The following LRRC43 variants were observed in gnomAD, a reference collection of about 807,000 sequenced individuals.
The protein encoded by LRRC43 is leucine rich repeat containing 43, also known as leucine-rich repeat-containing protein 43.
In LRRC43, 62 loss-of-function variants were observed where a neutral mutation model predicts 64.3. The observed-to-expected ratio is 0.96, with a 90% CI of 0.79 to 1.19. LRRC43 has a LOEUF of 1.19. LRRC43 is among the 50% of genes most tolerant of loss of function. The pLI, the probability that LRRC43 is intolerant of heterozygous loss-of-function variation, is 0.00. For synonymous variants in LRRC43, 422 were observed against 382.3 expected (o/e 1.10, Z -1.21); for missense variants, 868 against 845.0 (o/e 1.03, Z -0.34).
In LRRC43 at chr12:122,190,199, G is replaced by A. The variant is rs376714571; in HGVS notation, c.732G>A (p.Leu244=). ...LTDLQSMVTS[L]RTLRHLRLLV... ...ACCTGCAGAGCATGGTCACCAGCCT[G>A]AGGACCCTCCGGCACCTGCGACTCC... The change falls in exon 5 of 12, where the codon CTG becomes CTA. Residue 244 remains leucine (L), a synonymous_variant. Transcript: ENST00000339777. 6.2e-7 allele frequency: 1 copy of A among 1,614,156 alleles called. No homozygotes were observed. Among genetic ancestry groups the A allele is most frequent in the East Asian group, 2.2e-5 (1 of 44,876 alleles).
rs114970303 is a variant in LRRC43, at chr12:122,203,255, G to A, written c.1844-60G>A. On this transcript the variant is annotated intron_variant, in intron 11 of 11. Transcript: ENST00000339777. ...GCTTGCATATGGGATGGGTCAGGGC[G>A]GCCGAGAACGCCAGCCCATCCGTCT... 1,811 of 1,584,006 alleles carry A rather than the reference G, an allele frequency of 1.1e-3. 12 individuals carry two copies. The African/African-American group carries it at 0.014, about 12-fold the overall frequency.
chr12:122,202,546 G>A (rs1196742207), intron 11 of LRRC43: 1 of 152,142 alleles, frequency 6.6e-6, no homozygotes, highest in Non-Finnish European at 1.5e-5. Context: ...ACATGCATGA[G>A]TTACTTGTAA....
At chr12:122,169,550 C>A (rs1451366861) in intron 1 of LRRC43, among the ~76,000 whole-genome samples, 3 of 151,768 alleles carry the variant, frequency 2.0e-5, no homozygotes, top group African/African-American at 7.3e-5. Context: ...CCCGTCTCTA[C>A]TAAAAATACA....
intron 7 of LRRC43, among the ~76,000 whole-genome samples, chr12:122,193,381 TAAAAAAAA>T (rs34910328): frequency 1.0e-3 from 47 of 47,182 alleles, no homozygotes; most frequent in African/African-American, 3.1e-3. Flanking sequence ...CTCCGTCTCA[TAAAAAAAA>T]AAAAAAAAAA....
intron 1 of LRRC43, among the ~76,000 whole-genome samples, chr12:122,183,784 G>A (rs945668714): frequency 6.6e-6 from 1 of 152,102 alleles, no homozygotes; most frequent in Admixed American, 6.6e-5. Flanking sequence ...CACGAGGGGC[G>A]CCCAGGTGTG....
intron 1 of LRRC43, among the ~76,000 whole-genome samples, chr12:122,171,277 G>A (rs1224639489): frequency 6.6e-6 from 1 of 152,190 alleles, no homozygotes; most frequent in Non-Finnish European, 1.5e-5. Flanking sequence ...CAGCTGTGTG[G>A]CCTTGAGCAA....
At chr12:122,187,959 C>G in intron 4 of LRRC43, 119 bp downstream of exon 4, 2 of 999,924 alleles carry the variant, frequency 2.0e-6, no homozygotes, top group Non-Finnish European at 2.9e-6. Context: ...CAGTTGGCTG[C>G]TAAATCCAGA....
chr12:122,183,426 G>C (rs1593143966), intron 1 of LRRC43, 132 bp downstream of exon 1: 1 of 1,095,816 alleles, frequency 9.1e-7, no homozygotes, highest in East Asian at 3.2e-5. Context: ...ATGGGGGCGG[G>C]TGGGGCTTGA....
rs1593150324 is a variant in LRRC43, at chr12:122,191,615, TG to T, written c.1089+49del. On this transcript the variant is annotated intron_variant, in intron 6 of 11. Coordinates refer to ENST00000339777, the MANE Select transcript of LRRC43 (RefSeq NM_001098519.2). ...GAGTATGGGGGGCTCTTGTGAAGGC[TG>T]AACTGCTTTGTGGGCCCCAGGAAAA... 2.0e-5 allele frequency: 29 copies of T among 1,440,666 alleles called. No individual in the cohort carries two copies. The East Asian group carries it at 6.3e-4, about 32-fold the overall frequency. The allele number at this position is 1,440,666 out of a possible 1,614,324, so 89.2% of individuals were successfully genotyped here.
chr12:122,203,264 C>A, intron 11 of LRRC43, 51 bp from the exon 12 acceptor site: 1 of 1,592,278 alleles, frequency 6.3e-7, no homozygotes, highest in Non-Finnish European at 8.5e-7. Context: ...CGGCCGAGAA[C>A]GCCAGCCCAT....
chr12:122,199,495 C>G (rs1468676196), intron 7 of LRRC43, among the ~76,000 whole-genome samples: 3 of 151,346 alleles, frequency 2.0e-5, no homozygotes, highest in Non-Finnish European at 1.5e-5. Flanking sequence ...TGTTAGCCAG[C>G]ATGGTCTCGA....
At chr12:122,174,172 T>C (rs1953516751) in intron 1 of LRRC43, 2 of 1,613,986 alleles carry the variant, frequency 1.2e-6, no homozygotes, top group African/African-American at 1.3e-5. Context: ...TGAGAGGCCA[T>C]GGCGAGAGAG....
chr12:122,186,286 C>G lies in LRRC43; in HGVS notation c.508C>G (p.Pro170Ala). 1 of 1,597,086 alleles carries G rather than the reference C, an allele frequency of 6.3e-7. No individual in the cohort carries two copies. The highest frequency in any genetic ancestry group is 8.5e-7 in the Non-Finnish European group (1 of 1,171,174). The change falls in exon 3 of 12, where the codon CCC (proline) becomes GCC (alanine). Residue 170 changes from proline (P) to alanine (A), a missense_variant. By Grantham distance (27) the Pro-to-Ala change is conservative (BLOSUM62 -1). Coordinates refer to ENST00000339777, the MANE Select transcript of LRRC43 (RefSeq NM_001098519.2). ...RIKEVDATNL[P>A]PTLKVLELYG... ...CAAGGAGGTGGATGCCACCAATCTG[C>G]CCCCCACACTCAAGGTGAAGGAGCC...
intron 6 of LRRC43, among the ~76,000 whole-genome samples, chr12:122,191,937 G>A (rs536736112): frequency 5.9e-5 from 9 of 152,070 alleles, no homozygotes; most frequent in East Asian, 1.9e-4. Flanking sequence ...GTGAGCCACC[G>A]CGCTGGCCAA....
At chr12:122,183,964 C>T (rs1405362717) in intron 1 of LRRC43, among the ~76,000 whole-genome samples, 1 of 152,126 alleles carries the variant, frequency 6.6e-6, no homozygotes, top group Admixed American at 6.6e-5. Flanking sequence ...TGGTCTCAAA[C>T]TCCTGACCTC....
upstream of LRRC43, among the ~76,000 whole-genome samples, chr12:122,179,985 AAAAG>A (rs1249683102): frequency 2.0e-5 from 3 of 151,726 alleles, no homozygotes; most frequent in Non-Finnish European, 2.9e-5. Context: ...AAAAAAAAAA[AAAAG>A]AGAGAGAGAA....
chr12:122,168,897 C>G lies in LRRC43; in HGVS notation c.-406+1115C>G, dbSNP rs181094814. 2.0e-5 allele frequency among the ~76,000 whole-genome samples: 3 copies of G among 152,254 alleles called. No individual in the cohort carries two copies. The South Asian group carries it at 6.2e-4, about 32-fold the overall frequency. On this transcript the variant is annotated intron_variant, in intron 1 of 5. Transcript: ENST00000537729. ...TAGCCTTTCCTTGTTTTTCATGACC[C>G]TGACACTTTTGAAGAGTGCCAGTCA...
intron 6 of LRRC43, 141 bp downstream of exon 6, chr12:122,191,708 G>A (rs1198968840): frequency 6.1e-6 from 4 of 654,856 alleles, no homozygotes; most frequent in East Asian, 3.1e-5. Flanking sequence ...AGGCTGGAGT[G>A]CGATGGCGTA....
In LRRC43 at chr12:122,186,334, G is replaced by A. The variant is rs377255154; in HGVS notation, c.522+34G>A. ...GCCCCGGTCTGTGTTGAGTATTTGG[G>A]CCTCCGCTGCCCAGAGGCCTTGCCT... On this transcript the variant is annotated intron_variant, in intron 3 of 11. Coordinates refer to ENST00000339777, the MANE Select transcript of LRRC43 (RefSeq NM_001098519.2). 3.6e-6 allele frequency: 5 copies of A among 1,393,094 alleles called. No individual in the cohort carries two copies. In the African/African-American group the frequency reaches 5.7e-5, roughly 16 times the overall value. 86.3% of individuals were successfully genotyped at this position (1,393,094 alleles called of 1,614,324 possible). A position where few individuals can be genotyped will look rare whatever the true frequency, so the allele number is the denominator to read the frequency against.
Sources: gnomAD v4.1 joint callset for allele counts (sites outside exome capture counted in the v4.1 genomes callset) on GRCh38, gnomAD v4.1.1 for gene constraint, MANE v1.5 for transcripts, NCBI Gene and HGNC (gene_info 2026-07-23, HGNC 2026-07-21) for gene names.